Variants in DPP10 observed in about 807,000 individuals in gnomAD.
DPP10 encodes the protein inactive dipeptidyl peptidase 10.
Under a neutral mutation model 120.9 loss-of-function variants are expected in DPP10, and 33 were observed. That is an observed-to-expected ratio of 0.27 (90% CI 0.21 to 0.37). DPP10 has a LOEUF of 0.37. Among genes scored for constraint, DPP10 ranks in the 10% least tolerant of loss-of-function variants. The probability of loss-of-function intolerance (pLI) is 1.00; values close to 1 mark genes in which losing one functional copy is unlikely to be tolerated. For missense variants in DPP10, 816 were observed against 942.8 expected, an observed-to-expected ratio of 0.87 and a Z score of 1.76; for synonymous variants, 337 against 326.1, an observed-to-expected ratio of 1.03 and a Z score of -0.36.
chr2:115,441,793 G>T lies in DPP10; in HGVS notation c.272-57717G>T, dbSNP rs139009296. Among the ~76,000 whole-genome samples the T allele has an allele frequency of 3.7e-3, 549 of 149,638 alleles. 3 individuals are homozygous for T. The highest frequency in any genetic ancestry group is 0.013 in the African/African-American group (537 of 40,814). On this transcript the variant is annotated intron_variant, in intron 3 of 25. Transcript: ENST00000410059. The stretch of plus-strand genomic sequence containing the variant: ...AATTTTTTTGTCAGACCTATGTCAA[G>T]ACAAGTTTCTTTTTTCTTTCTTTCT...
At chr2:115,641,971 A>G (rs1407700699) in intron 5 of DPP10, among the ~76,000 whole-genome samples, 1 of 152,204 alleles carries the variant, frequency 6.6e-6, no homozygotes, top group Non-Finnish European at 1.5e-5. Flanking sequence ...TGCAGAATTT[A>G]AAGCGATTAT....
chr2:115,603,973 G>A (rs1376237103), intron 5 of DPP10, among the ~76,000 whole-genome samples: 2 of 152,042 alleles, frequency 1.3e-5, no homozygotes, highest in Non-Finnish European at 2.9e-5. Flanking sequence ...CAGAACATGT[G>A]TTATAGAGTT....
chr2:114,592,088 T>C (rs760021768), intron 1 of DPP10, among the ~76,000 whole-genome samples: 12 of 152,232 alleles, frequency 7.9e-5, no homozygotes, highest in Non-Finnish European at 1.5e-4. Context: ...AGGCTGTATG[T>C]AGCTCAAACA....
intron 5 of DPP10, among the ~76,000 whole-genome samples, chr2:115,633,275 T>A (rs562379474): frequency 1.3e-4 from 20 of 152,288 alleles, no homozygotes; most frequent in Admixed American, 1.1e-3. Flanking sequence ...GTTCATGTCC[T>A]TTGTAGGGAC....
chr2:114,769,587 G>T (rs554754936), intron 1 of DPP10, among the ~76,000 whole-genome samples: 3 of 152,124 alleles, frequency 2.0e-5, no homozygotes, highest in African/African-American at 7.2e-5. Context: ...TACTAGTAGG[G>T]TTCTATAAAC....
chr2:115,690,339 T>C (rs1280597696), intron 7 of DPP10, among the ~76,000 whole-genome samples: 1 of 152,216 alleles, frequency 6.6e-6, no homozygotes, highest in Non-Finnish European at 1.5e-5. Context: ...GGATTTTTAC[T>C]TTTATTTTTA....
At chr2:115,091,536 C>T (rs1709259478) in intron 1 of DPP10, among the ~76,000 whole-genome samples, 3 of 152,114 alleles carry the variant, frequency 2.0e-5, no homozygotes, top group South Asian at 2.1e-4. Context: ...CTTCTCCCCC[C>T]TCAACCCCAA....
chr2:115,471,771 G>A (rs991347151), intron 3 of DPP10, among the ~76,000 whole-genome samples: 19 of 42,618 alleles, frequency 4.5e-4, no homozygotes, highest in Non-Finnish European at 8.7e-4. Flanking sequence ...TTGTTTGTCT[G>A]TTTTTGTTTG....
chr2:115,325,863 T>C (rs71418555), intron 2 of DPP10, among the ~76,000 whole-genome samples: 5,701 of 152,226 alleles, frequency 0.037, 136 homozygotes, highest in South Asian at 0.08. Flanking sequence ...GGTTGAGATA[T>C]ATGCAGAAAT....
chr2:115,739,516 A>G (rs1676990435), intron 8 of DPP10, among the ~76,000 whole-genome samples: 1 of 152,016 alleles, frequency 6.6e-6, no homozygotes, highest in South Asian at 2.1e-4. Flanking sequence ...AAATCCATGA[A>G]ATCCTGACTT....
chr2:114,954,375 G>A (rs1448781968), intron 1 of DPP10, among the ~76,000 whole-genome samples: 1 of 151,988 alleles, frequency 6.6e-6, no homozygotes, highest in African/African-American at 2.4e-5. Context: ...GAGCCACAGC[G>A]CCCGGCCAAG....
chr2:114,687,975 T>C (rs375410245), intron 1 of DPP10, among the ~76,000 whole-genome samples: 6 of 152,050 alleles, frequency 3.9e-5, no homozygotes, highest in South Asian at 2.1e-4. Context: ...CTTCTAATTC[T>C]ATCTAAAACA....
chr2:115,050,860 T>A (rs1227351840), intron 1 of DPP10, among the ~76,000 whole-genome samples: 1 of 152,210 alleles, frequency 6.6e-6, no homozygotes, highest in African/African-American at 2.4e-5. Flanking sequence ...CAGGCAAGTA[T>A]AGAAATCTCT....
At chr2:115,724,449 C>T (rs957411253) in intron 7 of DPP10, among the ~76,000 whole-genome samples, 4 of 152,176 alleles carry the variant, frequency 2.6e-5, no homozygotes, top group South Asian at 2.1e-4. Flanking sequence ...CACATTGATT[C>T]GAATATCCCT....
intron 5 of DPP10, among the ~76,000 whole-genome samples, chr2:115,603,318 G>A (rs957686082): frequency 5.3e-5 from 8 of 149,796 alleles, no homozygotes; most frequent in African/African-American, 1.5e-4. Flanking sequence ...ACAGGTGGGC[G>A]CACACCCACC....
intron 19 of DPP10, among the ~76,000 whole-genome samples, chr2:115,806,171 T>G (rs944403342): frequency 6.6e-6 from 1 of 152,220 alleles, no homozygotes; most frequent in Non-Finnish European, 1.5e-5. Context: ...TTTAACACCT[T>G]AAATTTATAA....
chr2:114,829,106 G>T (rs1211193010), intron 1 of DPP10, among the ~76,000 whole-genome samples: 1 of 151,924 alleles, frequency 6.6e-6, no homozygotes, highest in Non-Finnish European at 1.5e-5. Flanking sequence ...GGCCAAGATG[G>T]TGAAACCCCA....
intron 1 of DPP10, among the ~76,000 whole-genome samples, chr2:115,037,049 C>T (rs1704272016): frequency 6.6e-6 from 1 of 152,096 alleles, no homozygotes; most frequent in Non-Finnish European, 1.5e-5. Context: ...GCCATGGGAG[C>T]TATTTGTCAA....
In DPP10 at chr2:114,662,116, G is replaced by C. The variant is rs907065261; in HGVS notation, c.60+219278G>C. Among the ~76,000 whole-genome samples the C allele has an allele frequency of 1.4e-4, 21 of 152,158 alleles. 2 individuals are homozygous for C. The highest frequency in any genetic ancestry group is 9.8e-4 in the Admixed American group (15 of 15,294). On this transcript the variant is annotated intron_variant, in intron 1 of 25. Transcript: ENST00000410059. Reference sequence around the variant, plus strand: ...TAGCAGGGCTGGAAAGGCCTCTGCCGCTCAGTGGGGACCCAGCAAAGCCAA... The same window carrying C: ...TAGCAGGGCTGGAAAGGCCTCTGCCCCTCAGTGGGGACCCAGCAAAGCCAA...
Sources: gnomAD v4.1 joint callset for allele counts (sites outside exome capture counted in the v4.1 genomes callset) on GRCh38, gnomAD v4.1.1 for gene constraint, MANE v1.5 for transcripts, NCBI Gene and HGNC (gene_info 2026-07-23, HGNC 2026-07-21) for gene names.